TLK1: variants seen among roughly 807,000 people sequenced by gnomAD.
TLK1 encodes tousled like kinase 1.
A neutral mutation model predicts 105.3 loss-of-function variants in TLK1; 24 were observed. The observed-to-expected ratio is 0.23, with a 90% CI of 0.17 to 0.32. The LOEUF (loss-of-function observed/expected upper bound fraction) is 0.32, where lower values mean the gene tolerates loss of function less well. TLK1 is among the 10% of genes least tolerant of loss of function. The probability of loss-of-function intolerance (pLI) is 1.00; values close to 1 mark genes in which losing one functional copy is unlikely to be tolerated. For missense variants in TLK1, 558 were observed against 910.5 expected, an observed-to-expected ratio of 0.61 and a Z score of 4.98; for synonymous variants, 321 against 310.4, an observed-to-expected ratio of 1.03 and a Z score of -0.36.
chr2:171,009,585 G>T (rs1684811786), intron 14 of TLK1, among the ~76,000 whole-genome samples: 1 of 152,042 alleles, frequency 6.6e-6, no homozygotes. Flanking sequence ...AGGATTACAG[G>T]TGTGAGCCAT....
At chr2:170,998,460 CCT>C (rs1198827836) in intron 18 of TLK1, among the ~76,000 whole-genome samples, 1 of 152,144 alleles carries the variant, frequency 6.6e-6, no homozygotes, top group African/African-American at 2.4e-5. Flanking sequence ...TCTCCTTTAT[CCT>C]CTGAGCTCTT....
chr2:171,065,416 C>T (rs974067783), intron 3 of TLK1, among the ~76,000 whole-genome samples: 1 of 152,164 alleles, frequency 6.6e-6, no homozygotes, highest in South Asian at 2.1e-4. Flanking sequence ...ACAAAAGTTA[C>T]TCTAATATTA....
At chr2:171,105,082 G>T (rs1230617454) in intron 2 of TLK1, among the ~76,000 whole-genome samples, 2 of 152,150 alleles carry the variant, frequency 1.3e-5, no homozygotes, top group East Asian at 3.8e-4. Context: ...ACACTTCAGG[G>T]CATTGGTCTA....
intron 18 of TLK1, among the ~76,000 whole-genome samples, chr2:170,999,480 A>C (rs529344404): frequency 6.6e-6 from 1 of 152,346 alleles, no homozygotes; most frequent in South Asian, 2.1e-4. Context: ...CTCCAGGCAC[A>C]AGGTGTATGT....
intron 3 of TLK1, among the ~76,000 whole-genome samples, chr2:171,069,042 G>T (rs980657124): frequency 1.3e-5 from 2 of 152,186 alleles, no homozygotes; most frequent in African/African-American, 2.4e-5. Context: ...ACATTTATCA[G>T]ATTAAACATT....
At chr2:171,056,864 A>G (rs1216120641) in intron 5 of TLK1, among the ~76,000 whole-genome samples, 2 of 151,978 alleles carry the variant, frequency 1.3e-5, no homozygotes, top group African/African-American at 2.4e-5. Flanking sequence ...AGCAATAAAC[A>G]TATTTTGTTT....
At chr2:171,120,248 G>GAAAA (rs71008751) in intron 1 of TLK1, among the ~76,000 whole-genome samples, 85 of 46,914 alleles carry the variant, frequency 1.8e-3, no homozygotes, top group Admixed American at 4.9e-3. Flanking sequence ...GACTCCGTCA[G>GAAAA]AAAAAAAAAA....
Position 171,049,925 on chromosome 2 carries a change from C to T in TLK1, c.869G>A (p.Arg290Lys), listed in dbSNP as rs1202723959. The T allele has an allele frequency of 6.2e-7, 1 of 1,613,470 alleles. No homozygotes were observed. The highest frequency in any genetic ancestry group is 1.1e-5 in the South Asian group (1 of 91,058). ...EKSTQEKLSS[R>K]EKSMQDRLRL... is the part of the protein sequence containing the mutation. Reference sequence around the variant, plus strand: ...TAATCGATCTTGCATACTCTTCTCTCTGCTTGACAGCTTTTCTTGTGTACT... The same window carrying T: ...TAATCGATCTTGCATACTCTTCTCTTTGCTTGACAGCTTTTCTTGTGTACT... The change falls in exon 10 of 21, where the codon AGA (arginine) becomes AAA (lysine). Residue 290 changes from arginine to lysine, a missense_variant. Physicochemically the swap from Arg to Lys is conservative, Grantham distance 26 (BLOSUM62 2). Around this residue, in one of 5 missense-constraint regions of TLK1, gnomAD observed 196 missense variants for 239.3 expected, o/e 0.82. Coordinates refer to ENST00000431350, the MANE Select transcript of TLK1 (RefSeq NM_012290.5).
intron 1 of TLK1, among the ~76,000 whole-genome samples, chr2:171,184,135 T>C (rs1692978229): frequency 6.6e-6 from 1 of 151,998 alleles, no homozygotes; most frequent in Non-Finnish European, 1.5e-5. Flanking sequence ...CTTTGGAGAC[T>C]GAAGAAAGGG....
chr2:171,139,340 G>GT (rs1219738364), intron 1 of TLK1, among the ~76,000 whole-genome samples: 1 of 152,092 alleles, frequency 6.6e-6, no homozygotes, highest in Non-Finnish European at 1.5e-5. Context: ...GCTCACGCCT[G>GT]TAATCCCAGC....
intron 1 of TLK1, among the ~76,000 whole-genome samples, chr2:171,126,568 G>A (rs576851665): frequency 6.6e-6 from 1 of 152,114 alleles, no homozygotes; most frequent in South Asian, 2.1e-4. Flanking sequence ...CTTGACGACA[G>A]TCATAATAAA....
chr2:171,065,687 G>A (rs1158912654), intron 3 of TLK1, among the ~76,000 whole-genome samples: 4 of 152,052 alleles, frequency 2.6e-5, no homozygotes, highest in African/African-American at 9.7e-5. Context: ...ACAGGCGCCC[G>A]CCACTATGCC....
intron 13 of TLK1, among the ~76,000 whole-genome samples, chr2:171,013,040 CTTTTT>C (rs539424973): frequency 6.7e-6 from 1 of 150,146 alleles, no homozygotes; most frequent in Non-Finnish European, 1.5e-5. Context: ...CAGAGTCTCA[CTTTTT>C]TTTAAGACAG....
At chr2:171,223,255 A>G (rs1290380266) in intron 1 of TLK1, among the ~76,000 whole-genome samples, 1 of 152,190 alleles carries the variant, frequency 6.6e-6, no homozygotes, top group Non-Finnish European at 1.5e-5. Context: ...ACTAATTTAC[A>G]TTCCCACCAA....
At chr2:171,209,075 C>A (rs948201929) in intron 1 of TLK1, among the ~76,000 whole-genome samples, 1 of 152,098 alleles carries the variant, frequency 6.6e-6, no homozygotes, top group African/African-American at 2.4e-5. Context: ...TCTTTATGTA[C>A]TGATAATGGA....
At chr2:171,189,165 ATTTT>A (rs368305495) in intron 1 of TLK1, among the ~76,000 whole-genome samples, 1 of 137,568 alleles carries the variant, frequency 7.3e-6, no homozygotes, top group Admixed American at 7.3e-5. Context: ...TGATAGTACA[ATTTT>A]TTTTTTTTTT....
intron 3 of TLK1, among the ~76,000 whole-genome samples, chr2:171,081,860 C>T (rs1210424308): frequency 1.3e-5 from 2 of 152,158 alleles, no homozygotes; most frequent in Non-Finnish European, 2.9e-5. Context: ...CTTTGAAGTT[C>T]CCTTTCCTCT....
chr2:171,008,525 T>G (rs1684750731), intron 14 of TLK1, among the ~76,000 whole-genome samples: 1 of 152,176 alleles, frequency 6.6e-6, no homozygotes, highest in South Asian at 2.1e-4. Context: ...CTGATTATAA[T>G]AAATTATATG....
intron 1 of TLK1, among the ~76,000 whole-genome samples, chr2:171,195,231 C>T (rs976681306): frequency 3.9e-5 from 6 of 152,000 alleles, no homozygotes; most frequent in Non-Finnish European, 8.8e-5. Flanking sequence ...CGGCCGGGCG[C>T]GGTGGCTCAC....
Sources: gnomAD v4.1 joint callset for allele counts (sites outside exome capture counted in the v4.1 genomes callset) on GRCh38, gnomAD v4.1.1 for gene constraint, gnomAD v4.1.1 regional missense constraint, MANE v1.5 for transcripts, NCBI Gene and HGNC (gene_info 2026-07-23, HGNC 2026-07-21) for gene names.